The following NXPE2 variants were observed in gnomAD, a reference collection of about 807,000 sequenced individuals.
NXPE2 encodes NXPE family member 2.
In NXPE2, 34 loss-of-function variants were observed where a neutral mutation model predicts 34.4. The observed-to-expected ratio is 0.99, with a 90% confidence interval of 0.75 to 1.31. The LOEUF (loss-of-function observed/expected upper bound fraction) is 1.31, where lower values mean the gene tolerates loss of function less well. Among genes scored for constraint, NXPE2 ranks in the 40% most tolerant of loss-of-function variants. NXPE2 has a pLI of 0.00. For synonymous variants in NXPE2, 235 were observed against 231.3 expected (o/e 1.02, Z -0.15); for missense variants, 649 against 672.5 (o/e 0.97, Z 0.39).
At chr11:114,552,829 T>C in the NXPE2 span, 1 of 944,316 alleles carries the variant, frequency 1.1e-6, no homozygotes, top group Non-Finnish European at 1.3e-6. Context: ...TTAAACTTAT[T>C]CTGTAAAATA....
At chr11:114,702,620 A>T (rs926846032) in intron 3 of NXPE2, among the ~76,000 whole-genome samples, 1 of 152,218 alleles carries the variant, frequency 6.6e-6, no homozygotes, top group African/African-American at 2.4e-5. Context: ...GACTATTATT[A>T]TGCTCATTTT....
the NXPE2 span, among the ~76,000 whole-genome samples, chr11:114,667,957 G>C: frequency 1.3e-5 from 2 of 151,866 alleles, no homozygotes; most frequent in Non-Finnish European, 2.9e-5. Context: ...CTAATACACA[G>C]AGGATACAGA....
At chr11:114,605,486 G>T in the NXPE2 span, among the ~76,000 whole-genome samples, 10 of 151,672 alleles carry the variant, frequency 6.6e-5, no homozygotes, top group African/African-American at 1.9e-4. Flanking sequence ...ACAGTTACCC[G>T]GTGGATAATA....
the NXPE2 span, among the ~76,000 whole-genome samples, chr11:114,615,647 G>C: frequency 1.3e-5 from 2 of 151,462 alleles, no homozygotes; most frequent in Admixed American, 1.3e-4. Flanking sequence ...GTTGCCTCTA[G>C]GGTAACCACT....
the NXPE2 span, among the ~76,000 whole-genome samples, chr11:114,612,243 G>A: frequency 2.6e-5 from 4 of 151,792 alleles, no homozygotes; most frequent in Admixed American, 6.6e-5. Flanking sequence ...ACTGTTACAC[G>A]GTGGAGAATA....
upstream of NXPE2, among the ~76,000 whole-genome samples, chr11:114,673,664 C>G (rs1235673977): frequency 6.6e-6 from 1 of 151,714 alleles, no homozygotes; most frequent in Non-Finnish European, 1.5e-5. Flanking sequence ...AAAATAGAAT[C>G]TCAGGACCCC....
At chr11:114,726,463 C>G in the NXPE2 span, among the ~76,000 whole-genome samples, 1 of 152,150 alleles carries the variant, frequency 6.6e-6, no homozygotes, top group South Asian at 2.1e-4. Context: ...CTTCCCACCT[C>G]AGCCTCTGAA....
At chr11:114,784,430 C>T in the NXPE2 span, among the ~76,000 whole-genome samples, 1 of 152,162 alleles carries the variant, frequency 6.6e-6, no homozygotes, top group Admixed American at 6.5e-5. Flanking sequence ...GTCTCAATTG[C>T]ACAGCTGTCT....
the NXPE2 span, among the ~76,000 whole-genome samples, chr11:114,635,027 G>A: frequency 6.6e-6 from 1 of 151,840 alleles, no homozygotes; most frequent in South Asian, 2.1e-4. Flanking sequence ...TGATGGGGAT[G>A]GCATTGAGTC....
At position 114,698,871 on chromosome 11, in the gene NXPE2, T is replaced by G. The variant is rs1591440618; in HGVS notation, c.866+93T>G. On this transcript the variant is annotated intron_variant, in intron 3 of 5. Coordinates refer to ENST00000389586, the MANE Select transcript of NXPE2 (RefSeq NM_182495.6). Reference sequence around the variant, plus strand: ...TGCCTAATCAAACTTTTGTATCATGTCAATTATGTTGACTAAATTATAATT... The same window carrying G: ...TGCCTAATCAAACTTTTGTATCATGGCAATTATGTTGACTAAATTATAATT... 4 of 1,205,476 alleles carry G rather than the reference T, an allele frequency of 3.3e-6. No individual in the cohort carries two copies. The East Asian group carries it at 1.0e-4, about 31-fold the overall frequency. The allele number at this position is 1,205,476 out of a possible 1,614,324, so 74.7% of individuals were successfully genotyped here. A position where few individuals can be genotyped will look rare whatever the true frequency, so the allele number is the denominator to read the frequency against.
chr11:114,635,777 G>A, the NXPE2 span, among the ~76,000 whole-genome samples: 20 of 151,958 alleles, frequency 1.3e-4, no homozygotes, highest in African/African-American at 4.8e-4. Flanking sequence ...TTATTGATTT[G>A]CATATATTGA....
At chr11:114,615,439 G>T in the NXPE2 span, among the ~76,000 whole-genome samples, 1 of 151,942 alleles carries the variant, frequency 6.6e-6, no homozygotes. Flanking sequence ...TGCCTCATGG[G>T]TAACCACTGT....
chr11:114,661,906 A>G, the NXPE2 span, among the ~76,000 whole-genome samples: 1 of 152,146 alleles, frequency 6.6e-6, no homozygotes, highest in African/African-American at 2.4e-5. Context: ...TGAAGGTGCA[A>G]AGGCAATTCA....
the NXPE2 span, among the ~76,000 whole-genome samples, chr11:114,623,827 T>A: frequency 6.6e-6 from 1 of 152,178 alleles, no homozygotes; most frequent in Non-Finnish European, 1.5e-5. Flanking sequence ...GGGTAACCAC[T>A]GTTACCTGGT....
At chr11:114,628,166 G>A in the NXPE2 span, among the ~76,000 whole-genome samples, 6 of 143,724 alleles carry the variant, frequency 4.2e-5, no homozygotes, top group African/African-American at 1.6e-4. Flanking sequence ...TGCACCAAGT[G>A]GACCTAATAG....
At chr11:114,629,932 G>A in the NXPE2 span, among the ~76,000 whole-genome samples, 2 of 150,182 alleles carry the variant, frequency 1.3e-5, no homozygotes, top group South Asian at 4.2e-4. Context: ...TTGCTTCAAA[G>A]ATAATAAAAT....
At chr11:114,649,218 A>G in the NXPE2 span, among the ~76,000 whole-genome samples, 1 of 151,662 alleles carries the variant, frequency 6.6e-6, no homozygotes, top group South Asian at 2.1e-4. Flanking sequence ...GGGTCATTTT[A>G]GTTTTCCATG....
chr11:114,595,387 C>A, the NXPE2 span, among the ~76,000 whole-genome samples: 1 of 152,122 alleles, frequency 6.6e-6, no homozygotes, highest in Non-Finnish European at 1.5e-5. Flanking sequence ...TCCAAGTTCT[C>A]TTTTAACTTG....
At chr11:114,621,169 T>C in the NXPE2 span, among the ~76,000 whole-genome samples, 159 of 147,038 alleles carry the variant, frequency 1.1e-3, no homozygotes, top group African/African-American at 3.9e-3. Context: ...AGTGGATAAT[T>C]AGTGTTGCCT....
Sources: gnomAD v4.1 joint callset for allele counts (sites outside exome capture counted in the v4.1 genomes callset) on GRCh38, gnomAD v4.1.1 for gene constraint, MANE v1.5 for transcripts, NCBI Gene and HGNC (gene_info 2026-07-23, HGNC 2026-07-21) for gene names.